Variants in AGBL4 observed in about 807,000 individuals in gnomAD.
AGBL4 encodes the protein AGBL carboxypeptidase 4.
AGBL4 carries 58 observed loss-of-function variants against 66.4 expected under a neutral mutation model. The ratio of observed to expected loss-of-function variants is 0.87; its 90% CI spans 0.71 to 1.09. The LOEUF (loss-of-function observed/expected upper bound fraction) is 1.09. AGBL4 is among the 50% of genes least tolerant of loss of function. AGBL4 has a pLI of 0.00. For synonymous variants in AGBL4, 234 were observed against 222.9 expected, an observed-to-expected ratio of 1.05 and a Z score of -0.44; for missense variants, 579 against 631.0, an observed-to-expected ratio of 0.92 and a Z score of 0.88.
intron 1 of AGBL4, among the ~76,000 whole-genome samples, chr1:49,853,548 A>C (rs1646358561): frequency 6.6e-6 from 1 of 152,150 alleles, no homozygotes; most frequent in Non-Finnish European, 1.5e-5. Flanking sequence ...ATTCCCAAGG[A>C]TATGAGAGTA....
chr1:48,646,709 T>C (rs192085910), intron 8 of AGBL4, among the ~76,000 whole-genome samples: 2 of 152,230 alleles, frequency 1.3e-5, no homozygotes, highest in East Asian at 1.9e-4. Context: ...CAGAAGGAAG[T>C]ACTCTCTGCT....
chr1:49,822,766 G>C (rs1401424369), intron 2 of AGBL4, among the ~76,000 whole-genome samples: 2 of 152,058 alleles, frequency 1.3e-5, no homozygotes, highest in East Asian at 3.9e-4. Context: ...TCTACAACTA[G>C]TCTACAAGCA....
intron 3 of AGBL4, among the ~76,000 whole-genome samples, chr1:49,627,861 C>A (rs1322433403): frequency 2.6e-5 from 4 of 152,156 alleles, no homozygotes; most frequent in African/African-American, 9.7e-5. Flanking sequence ...CCTGCTGAGG[C>A]AGTTACTTAT....
At chr1:49,163,497 T>A (rs767589894) in intron 4 of AGBL4, among the ~76,000 whole-genome samples, 7 of 152,226 alleles carry the variant, frequency 4.6e-5, no homozygotes, top group Non-Finnish European at 1.0e-4. Flanking sequence ...GTTGACCACA[T>A]TATATTGTTA....
intron 3 of AGBL4, among the ~76,000 whole-genome samples, chr1:49,637,867 A>T (rs1645708784): frequency 6.6e-6 from 1 of 152,182 alleles, no homozygotes; most frequent in African/African-American, 2.4e-5. Flanking sequence ...GGTTAACACC[A>T]GTAATACATA....
intron 3 of AGBL4, among the ~76,000 whole-genome samples, chr1:49,262,868 C>T (rs1051572245): frequency 3.9e-5 from 6 of 152,188 alleles, no homozygotes; most frequent in South Asian, 4.1e-4. Flanking sequence ...ATGTTTATTG[C>T]GGCACTATTC....
intron 2 of AGBL4, among the ~76,000 whole-genome samples, chr1:49,789,615 T>C (rs894872011): frequency 1.3e-5 from 2 of 152,122 alleles, no homozygotes; most frequent in Non-Finnish European, 2.9e-5. Context: ...TACCTAGGAA[T>C]ACAACTTACA....
intron 4 of AGBL4, among the ~76,000 whole-genome samples, chr1:49,061,351 T>C (rs899366672): frequency 2.1e-4 from 32 of 152,130 alleles, no homozygotes; most frequent in African/African-American, 7.0e-4. Flanking sequence ...CTTGAGGAGA[T>C]ACCCCTTGAA....
chr1:49,947,252 T>G lies in AGBL4; in HGVS notation c.34+76511A>C, dbSNP rs1036320143. On this transcript the variant is annotated intron_variant, in intron 1 of 13. Coordinates refer to ENST00000371839, the MANE Select transcript of AGBL4 (RefSeq NM_032785.4). Reference sequence around the variant, plus strand: ...GAAGCACATAACAAAAAAAGAAAACTACAGACTAATACCCCTAATGAACAT... The same window carrying G: ...GAAGCACATAACAAAAAAAGAAAACGACAGACTAATACCCCTAATGAACAT... Among the ~76,000 whole-genome samples the G allele has an allele frequency of 5.9e-5, 9 of 151,782 alleles. No homozygotes were observed. In the South Asian group the frequency reaches 8.3e-4, roughly 14 times the overall value.
intron 4 of AGBL4, among the ~76,000 whole-genome samples, chr1:49,238,239 AT>A (rs1650940890): frequency 6.6e-6 from 1 of 152,050 alleles, no homozygotes; most frequent in African/African-American, 2.4e-5. Flanking sequence ...ATTTGGGATG[AT>A]TTCATCCATT....
chr1:49,582,146 T>A (rs938497324), intron 3 of AGBL4, among the ~76,000 whole-genome samples: 4 of 152,110 alleles, frequency 2.6e-5, no homozygotes, highest in African/African-American at 9.7e-5. Flanking sequence ...GAAGCCTGGA[T>A]CCCACACTCT....
chr1:48,576,287 A>G (rs1644652661), intron 11 of AGBL4, among the ~76,000 whole-genome samples: 1 of 152,154 alleles, frequency 6.6e-6, no homozygotes, highest in Non-Finnish European at 1.5e-5. Context: ...AATATAACTG[A>G]TGCCTGATGA....
intron 2 of AGBL4, among the ~76,000 whole-genome samples, chr1:49,699,971 C>CATTG (rs1647056482): frequency 6.6e-6 from 1 of 151,562 alleles, no homozygotes; most frequent in South Asian, 2.1e-4. Context: ...CTTTGGTAGT[C>CATTG]ATTGCATTAT....
chr1:49,266,256 G>C (rs889602387), intron 3 of AGBL4: 5 of 152,020 alleles, frequency 3.3e-5, no homozygotes, highest in African/African-American at 1.2e-4. Flanking sequence ...GGTAAAAGGG[G>C]AATGGAGCAA....
chr1:48,591,057 C>T, intron 9 of AGBL4, 72 bp from the exon 10 acceptor site: 1 of 1,324,852 alleles, frequency 7.5e-7, no homozygotes, highest in Non-Finnish European at 1.0e-6. Flanking sequence ...AGACACTACA[C>T]TACACACACA....
Position 49,112,039 on chromosome 1 carries a change from T to C in AGBL4, c.378-66239A>G, listed in dbSNP as rs570482159. ...TATTTCAAGTAACATAATGTAGTAG[T>C]TTCACAATCCTAGCAACTGCCTAGC... On this transcript the variant is annotated intron_variant, in intron 4 of 13. Transcript: ENST00000371839. Among the ~76,000 whole-genome samples, 5 of 152,352 alleles carry C rather than the reference T, an allele frequency of 3.3e-5. No homozygotes were observed. The East Asian group carries it at 9.7e-4, about 29-fold the overall frequency.
intron 1 of AGBL4, among the ~76,000 whole-genome samples, chr1:49,928,616 G>T (rs1368200831): frequency 1.3e-5 from 2 of 151,934 alleles, no homozygotes; most frequent in East Asian, 3.9e-4. Flanking sequence ...AGGAAATAAT[G>T]GTCAAAATTT....
At chr1:49,505,251 TAA>T (rs1295625039) in intron 3 of AGBL4, among the ~76,000 whole-genome samples, 1 of 152,110 alleles carries the variant, frequency 6.6e-6, no homozygotes, top group Non-Finnish European at 1.5e-5. Flanking sequence ...CCTAAAGATA[TAA>T]GTGACTTAGA....
At chr1:48,974,112 G>A (rs1659125612) in intron 5 of AGBL4, among the ~76,000 whole-genome samples, 1 of 152,086 alleles carries the variant, frequency 6.6e-6, no homozygotes, top group Non-Finnish European at 1.5e-5. Flanking sequence ...AGTCAGATAT[G>A]ATGTAGGTAC....
Sources: allele counts gnomAD v4.1 joint callset (sites outside exome capture counted in the v4.1 genomes callset), GRCh38; gene constraint gnomAD v4.1.1; transcripts MANE v1.5; gene names NCBI Gene and HGNC (gene_info 2026-07-23, HGNC 2026-07-21).